The following SPAG9 variants were observed in gnomAD, a reference collection of about 807,000 sequenced individuals.
SPAG9 encodes the protein C-Jun-amino-terminal kinase-interacting protein 4.
In SPAG9, 35 loss-of-function variants were observed where a neutral mutation model predicts 166.5. That is an observed-to-expected ratio of 0.21 (90% CI 0.16 to 0.28). SPAG9 has a LOEUF of 0.28. SPAG9 is among the 10% of genes least tolerant of loss of function. The pLI is 1.00. For synonymous variants in SPAG9, 534 were observed against 565.5 expected, an observed-to-expected ratio of 0.94 and a Z score of 0.79; for missense variants, 1,235 against 1,603.3, an observed-to-expected ratio of 0.77 and a Z score of 3.92.
chr17:51,082,847 T>TG lies in SPAG9; in HGVS notation c.304-3144dup, dbSNP rs539737359. Among the ~76,000 whole-genome samples, 1,113 of 152,270 alleles carry TG rather than the reference T, an allele frequency of 7.3e-3. 6 individuals are homozygous for TG. Among genetic ancestry groups the TG allele is most frequent in the South Asian group, 0.014 (67 of 4,830 alleles). Reference sequence around the variant, plus strand: ...TTTGTCTACACACATTACGTTCCTTTGGGGAACTTTCTCTCTCCAGTTTCA... The same window carrying TG: ...TTTGTCTACACACATTACGTTCCTTTGGGGGAACTTTCTCTCTCCAGTTTCA... On this transcript the variant is annotated intron_variant, in intron 1 of 29. Transcript: ENST00000262013.
rs966681549 is a variant in SPAG9, at chr17:51,034,093, A to C, written c.742-2371T>G. Among the ~76,000 whole-genome samples, 19 of 152,356 alleles carry C rather than the reference A, an allele frequency of 1.2e-4. No individual in the cohort carries two copies. The South Asian group carries it at 1.4e-3, about 12-fold the overall frequency. On this transcript the variant is annotated intron_variant, in intron 5 of 29. Transcript: ENST00000262013. ...TATAGGTGGTTCCTAAAGTTATCACATGAAGATATATGTGAGGAAAAAAGC... is the reference window on the plus strand; with the variant it reads ...TATAGGTGGTTCCTAAAGTTATCACCTGAAGATATATGTGAGGAAAAAAGC...
chr17:51,027,260 C>T (rs563144229), intron 6 of SPAG9, among the ~76,000 whole-genome samples: 1 of 151,988 alleles, frequency 6.6e-6, no homozygotes, highest in African/African-American at 2.4e-5. Context: ...GGTGAAAACT[C>T]ATCTCTACTA....
chr17:51,007,188 T>G, intron 10 of SPAG9, 81 bp downstream of exon 10: 1 of 763,004 alleles, frequency 1.3e-6, no homozygotes, highest in Non-Finnish European at 2.2e-6. Context: ...TCCATTAGTA[T>G]TATGTTAAAA....
At chr17:51,090,306 A>G (rs1353733750) in intron 1 of SPAG9, among the ~76,000 whole-genome samples, 1 of 152,040 alleles carries the variant, frequency 6.6e-6, no homozygotes, top group Non-Finnish European at 1.5e-5. Flanking sequence ...GCAGATCATG[A>G]GGTCAGGAAT....
At chr17:51,012,183 C>G (rs2045513117) in intron 9 of SPAG9, among the ~76,000 whole-genome samples, 1 of 152,070 alleles carries the variant, frequency 6.6e-6, no homozygotes. Context: ...GTTTCTCAAA[C>G]TAATTATGCC....
chr17:51,065,696 T>C (rs1430061968), intron 2 of SPAG9, among the ~76,000 whole-genome samples: 1 of 152,126 alleles, frequency 6.6e-6, no homozygotes, highest in Non-Finnish European at 1.5e-5. Flanking sequence ...CTTGGGCAAA[T>C]AGCTAGGCTA....
intron 2 of SPAG9, among the ~76,000 whole-genome samples, chr17:51,064,772 G>A (rs2047613561): frequency 6.6e-6 from 1 of 152,130 alleles, no homozygotes; most frequent in Admixed American, 6.5e-5. Flanking sequence ...AATTAGTGGT[G>A]GCGATTGTAC....
At position 50,999,586 on chromosome 17, in the gene SPAG9, A is replaced by T. The variant is rs2044838890; in HGVS notation, c.1664+75T>A. The T allele has an allele frequency of 2.7e-6, 4 of 1,493,020 alleles. No homozygotes were observed. The East Asian group carries it at 9.2e-5, about 34-fold the overall frequency. The allele number at this position is 1,493,020 out of a possible 1,614,324, so 92.5% of individuals were successfully genotyped here. A position where few individuals can be genotyped will look rare whatever the true frequency, so the allele number is the denominator to read the frequency against. ...AAGGAAAGAAAATGGACATAAAATC[A>T]TTCTTGGAAATAAATTTTGACTGTA... On this transcript the variant is annotated intron_variant, in intron 14 of 29. Coordinates refer to ENST00000262013, the MANE Select transcript of SPAG9 (RefSeq NM_001130528.3).
chr17:51,097,882 TGACCTTCAGGGCTCACTGCAACCTC>T (rs1251519816), intron 1 of SPAG9, among the ~76,000 whole-genome samples: 2 of 152,190 alleles, frequency 1.3e-5, no homozygotes, highest in Middle Eastern at 3.4e-3. Flanking sequence ...ACTGCAACCT[TGACCTTCAGGGCTCACTGCAACCTC>T]GACCTTCAGG....
intron 1 of SPAG9, among the ~76,000 whole-genome samples, chr17:51,081,450 C>A (rs1284490283): frequency 6.6e-6 from 1 of 150,478 alleles, no homozygotes; most frequent in African/African-American, 2.4e-5. Context: ...GACCCCCTCT[C>A]AAAAAAAAGC....
intron 4 of SPAG9, among the ~76,000 whole-genome samples, chr17:51,044,173 A>G (rs1018863629): frequency 7.9e-5 from 12 of 152,190 alleles, no homozygotes; most frequent in African/African-American, 2.9e-4. Flanking sequence ...CAGTTGGGGT[A>G]AGGGAGAGAA....
chr17:50,994,383 T>A (rs966732789), intron 18 of SPAG9, among the ~76,000 whole-genome samples: 1 of 152,152 alleles, frequency 6.6e-6, no homozygotes, highest in African/African-American at 2.4e-5. Flanking sequence ...TCCTTCCCAG[T>A]CTCGGGTATG....
rs1488439340 is a variant in SPAG9, at chr17:50,979,914, A to G, written c.3241T>C (p.Ser1081Pro). ...TCCTTCCTGGGATGTGCATCAAAAG[A>G]TTTCTAGGAGAGATTGTCCAATCAC... ...VQPKAMKIEK[S>P]FDAHPRKESQ... The change falls in exon 26 of 30, where the codon TCT (serine) becomes CCT (proline). Residue 1081 changes from serine to proline, a missense_variant. By Grantham distance (74) the Ser-to-Pro change is moderately conservative. Around this residue, in one of 6 missense-constraint regions of SPAG9, gnomAD observed 243 missense variants for 358.6 expected, o/e 0.68. Coordinates refer to ENST00000262013, the MANE Select transcript of SPAG9 (RefSeq NM_001130528.3). 1.2e-6 allele frequency: 2 copies of G among 1,612,264 alleles called. No homozygotes were observed. Among genetic ancestry groups the G allele is most frequent in the Non-Finnish European group, 1.7e-6 (2 of 1,178,538 alleles).
At chr17:51,064,742 G>A (rs953766258) in intron 2 of SPAG9, among the ~76,000 whole-genome samples, 11 of 152,124 alleles carry the variant, frequency 7.2e-5, no homozygotes, top group Non-Finnish European at 1.0e-4. Flanking sequence ...GTTCTTCTTG[G>A]GGTGATAAAA....
chr17:51,078,565 G>A (rs190905722), intron 2 of SPAG9, among the ~76,000 whole-genome samples: 2 of 151,528 alleles, frequency 1.3e-5, no homozygotes, highest in Admixed American at 1.3e-4. Context: ...GCAGAGAATT[G>A]TCTGCCTACC....
chr17:51,070,082 AAC>A (rs1555653780), intron 2 of SPAG9, among the ~76,000 whole-genome samples: 4 of 151,644 alleles, frequency 2.6e-5, no homozygotes, highest in African/African-American at 9.7e-5. Flanking sequence ...TAAAAAAAAA[AAC>A]AAAAAAAAAA....
intron 2 of SPAG9, among the ~76,000 whole-genome samples, chr17:51,077,005 G>GCTAGCTAGCTAT (rs2047997005): frequency 3.7e-4 from 34 of 92,588 alleles, no homozygotes; most frequent in Admixed American, 2.0e-3. Context: ...TAGCTATCTA[G>GCTAGCTAGCTAT]CTAGCTAGCT....
chr17:51,008,300 A>C (rs2045311357), intron 9 of SPAG9, among the ~76,000 whole-genome samples: 1 of 152,116 alleles, frequency 6.6e-6, no homozygotes, highest in Admixed American at 6.5e-5. Context: ...GAAAGCTATT[A>C]ATTTGCTTTT....
At position 50,999,701 on chromosome 17, in the gene SPAG9, G is replaced by A. The variant is rs1240271934; in HGVS notation, c.1624C>T (p.Pro542Ser). The change falls in exon 14 of 30, where the codon CCA becomes TCA. Residue 542 changes from proline to serine, a missense_variant. Transcript: ENST00000262013. ...TEMIRASRENPAMQEKKRSSI... is the reference protein window; with the variant it reads ...TEMIRASRENSAMQEKKRSSI... ...GACCTTTTTTTTTCCTGCATGGCTGGATTTTCTCGTGATGCCCTACATTCA... is the reference window on the plus strand; with the variant it reads ...GACCTTTTTTTTTCCTGCATGGCTGAATTTTCTCGTGATGCCCTACATTCA... The A allele has an allele frequency of 1.2e-6, 2 of 1,612,964 alleles. No homozygotes were observed. Among genetic ancestry groups the A allele is most frequent in the Non-Finnish European group, 1.7e-6 (2 of 1,179,496 alleles).
Sources: gnomAD v4.1 joint callset for allele counts (sites outside exome capture counted in the v4.1 genomes callset) on GRCh38, gnomAD v4.1.1 for gene constraint, gnomAD v4.1.1 regional missense constraint, MANE v1.5 for transcripts, NCBI Gene and HGNC (gene_info 2026-07-23, HGNC 2026-07-21) for gene names.